EDC4: variants seen among roughly 807,000 people sequenced by gnomAD.
EDC4 encodes the protein enhancer of mRNA-decapping protein 4.
EDC4 carries 64 observed loss-of-function variants against 155.8 expected under a neutral mutation model. The observed-to-expected ratio is 0.41, with a 90% CI of 0.34 to 0.51. The LOEUF is 0.51. Among genes scored for constraint, EDC4 ranks in the 20% least tolerant of loss-of-function variants. The pLI, the probability that EDC4 is intolerant of heterozygous loss-of-function variation, is 0.19. For synonymous variants in EDC4, 684 were observed against 716.8 expected, an observed-to-expected ratio of 0.95 and a Z score of 0.73; for missense variants, 1,303 against 1,812.5, an observed-to-expected ratio of 0.72 and a Z score of 5.10.
chr16:67,880,112 C>T lies in EDC4; in HGVS notation c.1993C>T (p.Leu665=), dbSNP rs754365365. 4.3e-6 allele frequency: 7 copies of T among 1,612,666 alleles called. No homozygotes were observed. The East Asian group carries it at 1.3e-4, about 31-fold the overall frequency. ...LSPKLQLDGS[L]TMSSSGSLQA... is the part of the protein sequence containing the mutation. ...CCCCAAGCTGCAGCTGGATGGCAGCCTGACAATGAGCAGCAGTGGCAGCCT... is the reference window on the plus strand; with the variant it reads ...CCCCAAGCTGCAGCTGGATGGCAGCTTGACAATGAGCAGCAGTGGCAGCCT... The change falls in exon 17 of 29, where the codon CTG becomes TTG. Residue 665 remains leucine (L), a synonymous_variant. Coordinates refer to ENST00000358933, the MANE Select transcript of EDC4 (RefSeq NM_014329.5). This position sits in a 1 kb window ranked among gnomAD's most constrained non-coding sequence, Gnocchi z 5.2.
In EDC4 at chr16:67,877,729, T is replaced by G; in HGVS notation, c.790-12T>G. On this transcript the variant is annotated splice_polypyrimidine_tract_variant and intron_variant, in intron 6 of 28. Transcript: ENST00000358933. This position sits in a 1 kb window ranked among gnomAD's most constrained non-coding sequence, Gnocchi z 4.9. ...GGGTTGGGCTGCACACTCACCTCCC[T>G]GTGCCTTCCAGGCTGAGGTGTGGGA... 1 of 1,614,184 alleles carries G rather than the reference T, an allele frequency of 6.2e-7. No homozygotes were observed. The highest frequency in any genetic ancestry group is 8.5e-7 in the Non-Finnish European group (1 of 1,180,030).
Position 67,881,423 on chromosome 16 carries a change from G to A in EDC4, c.2789+6G>A. 1 of 1,614,086 alleles carries A rather than the reference G, an allele frequency of 6.2e-7. No individual in the cohort carries two copies. The highest frequency in any genetic ancestry group is 1.7e-5 in the Admixed American group (1 of 60,016). ...AAAAGCAAGAAGGATGATGGGTAGG[G>A]AGAAATCCTAGGGAGGGAGAGGGTG... On this transcript the variant is annotated splice_donor_region_variant and intron_variant, in intron 20 of 28. Coordinates refer to ENST00000358933, the MANE Select transcript of EDC4 (RefSeq NM_014329.5). The surrounding 1 kb of genome is among the most constrained non-coding windows in gnomAD (Gnocchi z 5.4).
chr16:67,881,605 C>T lies in EDC4; in HGVS notation c.2827-63C>T. The T allele has an allele frequency of 6.2e-7, 1 of 1,612,506 alleles. No individual in the cohort carries two copies. The highest frequency in any genetic ancestry group is 1.3e-5 in the African/African-American group (1 of 75,014). The stretch of plus-strand genomic sequence containing the variant: ...GGGTGGAGAAGGGCTCTGGGCCATT[C>T]CCTGGTCTGGTGTGTGGGAATAGGT... On this transcript the variant is annotated intron_variant, in intron 21 of 28. Transcript: ENST00000358933. The surrounding 1 kb of genome is among the most constrained non-coding windows in gnomAD (Gnocchi z 5.4).
At position 67,878,316 on chromosome 16, in the gene EDC4, C is replaced by G. The variant is rs775454917; in HGVS notation, c.1004+41C>G. On this transcript the variant is annotated intron_variant, in intron 8 of 28. Transcript: ENST00000358933. The surrounding 1 kb of genome is among the most constrained non-coding windows in gnomAD (Gnocchi z 5.2). ...AGGGACCAGGATCCTCCCGAGGTAG[C>G]CCACCCGACCACTCACTCAGGCCCC... 1 of 1,614,084 alleles carries G rather than the reference C, an allele frequency of 6.2e-7. No individual in the cohort carries two copies. The highest frequency in any genetic ancestry group is 8.5e-7 in the Non-Finnish European group (1 of 1,180,050).
rs2058051596 is a variant in EDC4 at position 67,878,571 on chromosome 16, A to G, written c.1124A>G (p.Asp375Gly). The G allele has an allele frequency of 6.2e-7, 1 of 1,613,998 alleles. No individual in the cohort carries two copies. Among genetic ancestry groups the G allele is most frequent in the Non-Finnish European group, 8.5e-7 (1 of 1,180,016 alleles). The change falls in exon 10 of 29, where the codon GAC becomes GGC. Residue 375 changes from aspartate (D) to glycine (G), a missense_variant. Around this residue, in one of 5 missense-constraint regions of EDC4, gnomAD observed 235 missense variants for 367.7 expected, o/e 0.64. Transcript: ENST00000358933. The surrounding 1 kb of genome is among the most constrained non-coding windows in gnomAD (Gnocchi z 5.2). ...TGGAGGTTCCTTATTACTGGTGCTG[A>G]CCAGAACCGAGAGTTAAAGATGTGG... ...PFWRFLITGA[D>G]QNRELKMWCT...
chr16:67,877,445 G>A lies in EDC4; in HGVS notation c.641+39G>A. ...CCTGTGGGTGGTGGGACTGAAGAAGGGTGGGCGGAGCTGGGGTGTCACGCC... is the reference window on the plus strand; with the variant it reads ...CCTGTGGGTGGTGGGACTGAAGAAGAGTGGGCGGAGCTGGGGTGTCACGCC... On this transcript the variant is annotated intron_variant, in intron 5 of 28. Transcript: ENST00000358933. The surrounding 1 kb of genome is among the most constrained non-coding windows in gnomAD (Gnocchi z 4.9). 2.5e-6 allele frequency: 4 copies of A among 1,610,834 alleles called. No homozygotes were observed. Among genetic ancestry groups the A allele is most frequent in the Non-Finnish European group, 3.4e-6 (4 of 1,177,760 alleles).
At position 67,881,368 on chromosome 16, in the gene EDC4, T is replaced by A; in HGVS notation, c.2740T>A (p.Ser914Thr). The A allele has an allele frequency of 6.2e-7, 1 of 1,614,066 alleles. No homozygotes were observed. Among genetic ancestry groups the A allele is most frequent in the Non-Finnish European group, 8.5e-7 (1 of 1,180,012 alleles). The change falls in exon 20 of 29, where the codon TCC becomes ACC. Residue 914 changes from serine to threonine, a missense_variant. This residue lies in a region of EDC4 where 527 missense variants were observed against 757.0 expected (regional missense o/e 0.70). Coordinates refer to ENST00000358933, the MANE Select transcript of EDC4 (RefSeq NM_014329.5). This position sits in a 1 kb window ranked among gnomAD's most constrained non-coding sequence, Gnocchi z 5.4. ...LPAKDWKTKG[S>T]PRTSPKLKRK... is the part of the protein sequence containing the mutation. ...TGCCAAGGACTGGAAGACCAAGGGA[T>A]CCCCTCGAACCTCACCCAAGCTCAA...
rs778986211 is a variant in EDC4, at chr16:67,881,294, C to T, written c.2666C>T (p.Ala889Val). Residue 889 changes from alanine to valine, a missense_variant, in exon 20 of 29, where the codon GCC becomes GTC. Ala to Val is a moderately conservative substitution (Grantham distance 64). Coordinates refer to ENST00000358933, the MANE Select transcript of EDC4 (RefSeq NM_014329.5). This position sits in a 1 kb window ranked among gnomAD's most constrained non-coding sequence, Gnocchi z 5.4. Reference sequence around the variant, plus strand: ...CATGATGATGAGGTGGCCAGCCTTGCCTCTGCTTCAGGAGGCTTTGGCACC... The same window carrying T: ...CATGATGATGAGGTGGCCAGCCTTGTCTCTGCTTCAGGAGGCTTTGGCACC... ...SDHDDEVASLASASGGFGTKV... is the reference protein window; with the variant it reads ...SDHDDEVASLVSASGGFGTKV... The T allele has an allele frequency of 3.1e-6, 5 of 1,614,002 alleles. No individual in the cohort carries two copies. The highest frequency in any genetic ancestry group is 4.2e-6 in the Non-Finnish European group (5 of 1,180,034).
At position 67,881,171 on chromosome 16, in the gene EDC4, C is replaced by T; in HGVS notation, c.2627C>T (p.Ala876Val). 2 of 1,614,106 alleles carry T rather than the reference C, an allele frequency of 1.2e-6. No homozygotes were observed. The highest frequency in any genetic ancestry group is 1.7e-6 in the Non-Finnish European group (2 of 1,180,020). Residue 876 changes from alanine (A) to valine (V), a missense_variant, in exon 19 of 29, where the codon GCT (alanine) becomes GTT (valine). Physicochemically the swap from Ala to Val is moderately conservative, Grantham distance 64. Coordinates refer to ENST00000358933, the MANE Select transcript of EDC4 (RefSeq NM_014329.5). The surrounding 1 kb of genome is among the most constrained non-coding windows in gnomAD (Gnocchi z 5.4). ...CAACGTGACAGCCAGGATGCCAGTGCTGAGCAAAGGTGGGAGCCACTCTAC... is the reference window on the plus strand; with the variant it reads ...CAACGTGACAGCCAGGATGCCAGTGTTGAGCAAAGGTGGGAGCCACTCTAC... Reference protein sequence around the residue: ...LQQRDSQDASAEQSDHDDEVA... With the variant: ...LQQRDSQDASVEQSDHDDEVA...
chr16:67,879,183 G>T lies in EDC4; in HGVS notation c.1468+46G>T. ...AGCTATGTGTCCATATATCTAGGGG[G>T]TTGTGGAGGCACAGAGAGGGCCAGG... On this transcript the variant is annotated intron_variant, in intron 12 of 28. Coordinates refer to ENST00000358933, the MANE Select transcript of EDC4 (RefSeq NM_014329.5). This position sits in a 1 kb window ranked among gnomAD's most constrained non-coding sequence, Gnocchi z 6.0. The T allele has an allele frequency of 6.2e-7, 1 of 1,614,210 alleles. No homozygotes were observed. Among genetic ancestry groups the T allele is most frequent in the Non-Finnish European group, 8.5e-7 (1 of 1,180,030 alleles).
chr16:67,878,711 A>G lies in EDC4; in HGVS notation c.1185-26A>G, dbSNP rs760619694. The G allele has an allele frequency of 5.6e-6, 9 of 1,614,042 alleles. No individual in the cohort carries two copies. The East Asian group carries it at 1.1e-4, about 20-fold the overall frequency. ...GTAGCTTCCTTCAGTTCTCAGGCTCATTCACTCTGCTTTGTGGCTCTCTAG... is the reference window on the plus strand; with the variant it reads ...GTAGCTTCCTTCAGTTCTCAGGCTCGTTCACTCTGCTTTGTGGCTCTCTAG... On this transcript the variant is annotated intron_variant, in intron 10 of 28. Transcript: ENST00000358933. The surrounding 1 kb of genome is among the most constrained non-coding windows in gnomAD (Gnocchi z 5.2).
chr16:67,881,781 A>G lies in EDC4; in HGVS notation c.2940A>G (p.Glu980=). 9 of 1,614,142 alleles carry G rather than the reference A, an allele frequency of 5.6e-6. No individual in the cohort carries two copies. The highest frequency in any genetic ancestry group is 7.6e-6 in the Non-Finnish European group (9 of 1,180,004). Residue 980 remains glutamate, a synonymous_variant, in exon 22 of 29, where the codon GAA becomes GAG. Transcript: ENST00000358933. This position sits in a 1 kb window ranked among gnomAD's most constrained non-coding sequence, Gnocchi z 5.4. ...ELLQRLCTQL[E]GLQSTVTGHV... ...TGCAGCGTCTGTGTACCCAACTCGA[A>G]GGCCTGCAGAGCACAGTCACAGGCC...
rs1182860882 is a variant in EDC4, at chr16:67,881,012, A to G, written c.2531+22A>G. ...AAAGGTGAGGAGCTTGGGAGGGGAA[A>G]AGTGTGCTAGCAGGAGGGGCTTCAG... On this transcript the variant is annotated intron_variant, in intron 18 of 28. Transcript: ENST00000358933. The surrounding 1 kb of genome is among the most constrained non-coding windows in gnomAD (Gnocchi z 5.4). 3 of 1,613,478 alleles carry G rather than the reference A, an allele frequency of 1.9e-6. No individual in the cohort carries two copies. The highest frequency in any genetic ancestry group is 3.3e-5 in the Admixed American group (2 of 60,002).
rs762845179 is a variant in EDC4, at chr16:67,878,317, C to A, written c.1004+42C>A. On this transcript the variant is annotated intron_variant, in intron 8 of 28. Transcript: ENST00000358933. The surrounding 1 kb of genome is among the most constrained non-coding windows in gnomAD (Gnocchi z 5.2). ...GGGACCAGGATCCTCCCGAGGTAGCCCACCCGACCACTCACTCAGGCCCCT... is the reference window on the plus strand; with the variant it reads ...GGGACCAGGATCCTCCCGAGGTAGCACACCCGACCACTCACTCAGGCCCCT... 4 of 1,614,202 alleles carry A rather than the reference C, an allele frequency of 2.5e-6. No individual in the cohort carries two copies. In the South Asian group the frequency reaches 4.4e-5, roughly 18 times the overall value.
At position 67,876,443 on chromosome 16, in the gene EDC4, C is replaced by A; in HGVS notation, c.240-45C>A. 6.2e-7 allele frequency: 1 copy of A among 1,607,580 alleles called. No homozygotes were observed. The highest frequency in any genetic ancestry group is 8.5e-7 in the Non-Finnish European group (1 of 1,176,350). On this transcript the variant is annotated intron_variant, in intron 2 of 28. Coordinates refer to ENST00000358933, the MANE Select transcript of EDC4 (RefSeq NM_014329.5). This position sits in a 1 kb window ranked among gnomAD's most constrained non-coding sequence, Gnocchi z 5.8. ...CTTCCTCCCAACCCTGCCCGCTGAG[C>A]CTTTGGGTGAACAAGAGGCAAAGTT...
rs759870716 is a variant in EDC4 at position 67,882,661 on chromosome 16, C to T, written c.3443-18C>T. 6.2e-7 allele frequency: 1 copy of T among 1,614,178 alleles called. No individual in the cohort carries two copies. Among genetic ancestry groups the T allele is most frequent in the South Asian group, 1.1e-5 (1 of 91,088 alleles). On this transcript the variant is annotated intron_variant, in intron 25 of 28. Coordinates refer to ENST00000358933, the MANE Select transcript of EDC4 (RefSeq NM_014329.5). This position sits in a 1 kb window ranked among gnomAD's most constrained non-coding sequence, Gnocchi z 7.2. ...CTTTCCTACTGTTCCTCTTATAGTC[C>T]CTGTGGTCACCCCTCAGACTTGCAG... is the stretch of plus-strand genomic sequence containing the variant.
rs577891054 is a variant in EDC4, at chr16:67,882,447, G to A, written c.3295G>A (p.Ala1099Thr). Residue 1099 changes from alanine to threonine, a missense_variant, in exon 25 of 29, where the codon GCC becomes ACC. Physicochemically the swap from Ala to Thr is moderately conservative, Grantham distance 58. Coordinates refer to ENST00000358933, the MANE Select transcript of EDC4 (RefSeq NM_014329.5). This position sits in a 1 kb window ranked among gnomAD's most constrained non-coding sequence, Gnocchi z 7.2. ...ACCCCAGAACTTGACTGATGCCATC[G>A]CCCGAGCAGCTGCAGACACATTACA... ...LKSKNLTDAIARAAADTLQGP... is the reference protein window; with the variant it reads ...LKSKNLTDAITRAAADTLQGP... 36 of 1,613,742 alleles carry A rather than the reference G, an allele frequency of 2.2e-5. No homozygotes were observed. The Middle Eastern group carries it at 5.0e-4, about 22-fold the overall frequency.
In EDC4 at chr16:67,877,854, G is replaced by A; in HGVS notation, c.894+9G>A. 5 of 1,613,762 alleles carry A rather than the reference G, an allele frequency of 3.1e-6. No individual in the cohort carries two copies. The highest frequency in any genetic ancestry group is 3.4e-6 in the Non-Finnish European group (4 of 1,179,984). The stretch of plus-strand genomic sequence containing the variant: ...TAAAAGGTCATAGCACGGTAAGCCT[G>A]TGACTGCCTGCCTCCCCTGCCCTCC... On this transcript the variant is annotated intron_variant, in intron 7 of 28. Coordinates refer to ENST00000358933, the MANE Select transcript of EDC4 (RefSeq NM_014329.5). This position sits in a 1 kb window ranked among gnomAD's most constrained non-coding sequence, Gnocchi z 4.9.
Position 67,877,247 on chromosome 16 carries a change from T to C in EDC4, c.482T>C (p.Val161Ala). Residue 161 changes from valine (V) to alanine (A), a missense_variant, in exon 5 of 29, where the codon GTG (valine) becomes GCG (alanine). Val to Ala is a moderately conservative substitution (Grantham distance 64). Transcript: ENST00000358933. The surrounding 1 kb of genome is among the most constrained non-coding windows in gnomAD (Gnocchi z 4.9). ...AACAATGGCTCTGCCATGGTGCGGGTGATCAGCGTCAGCACTTCGGAGCGG... is the reference window on the plus strand; with the variant it reads ...AACAATGGCTCTGCCATGGTGCGGGCGATCAGCGTCAGCACTTCGGAGCGG... ...AANNGSAMVR[V>A]ISVSTSERTL... 2 of 1,614,082 alleles carry C rather than the reference T, an allele frequency of 1.2e-6. No individual in the cohort carries two copies. The highest frequency in any genetic ancestry group is 1.1e-5 in the South Asian group (1 of 91,082).
Sources: allele counts gnomAD v4.1 joint callset, GRCh38; gene constraint gnomAD v4.1.1; regional missense constraint gnomAD v4.1.1; non-coding constraint Gnocchi (gnomAD v3.1); transcripts MANE v1.5; gene names NCBI Gene and HGNC (gene_info 2026-07-23, HGNC 2026-07-21).